Variants in CA5A observed in about 807,000 individuals in gnomAD.
The protein encoded by CA5A is carbonic anhydrase 5A, mitochondrial.
Under a neutral mutation model 37.1 loss-of-function variants are expected in CA5A, and 28 were observed. The observed-to-expected ratio is 0.75, with a 90% CI of 0.56 to 1.03. CA5A has a LOEUF of 1.03. Ranked by LOEUF, CA5A falls within the 50% of genes least tolerant of loss-of-function variation. The pLI is 0.00. For synonymous variants in CA5A, 171 were observed against 158.4 expected (o/e 1.08, Z -0.60); for missense variants, 444 against 399.9 (o/e 1.11, Z -0.94).
chr16:87,892,194 G>T (rs547917156), intron 5 of CA5A: 9 of 410,108 alleles, frequency 2.2e-5, no homozygotes, highest in South Asian at 2.2e-4. Context: ...ACCAGCTTAC[G>T]TTGGTGCTCA....
chr16:87,930,617 G>A (rs1198690549), intron 1 of CA5A, among the ~76,000 whole-genome samples: 1 of 152,158 alleles, frequency 6.6e-6, no homozygotes, highest in Non-Finnish European at 1.5e-5. Flanking sequence ...CAGGCTGGGT[G>A]GGGAGGAGAG....
chr16:87,901,540 T>C (rs1410894861), intron 5 of CA5A, among the ~76,000 whole-genome samples: 1 of 152,150 alleles, frequency 6.6e-6, no homozygotes. Context: ...AATGAATCGC[T>C]GCACTAAACA....
chr16:87,904,352 A>C (rs1453187506), intron 3 of CA5A, among the ~76,000 whole-genome samples: 1 of 151,156 alleles, frequency 6.6e-6, no homozygotes, highest in Non-Finnish European at 1.5e-5. Flanking sequence ...AAAAAAAAAA[A>C]CCAAAAACCA....
chr16:87,918,263 C>A (rs772741714), intron 2 of CA5A, among the ~76,000 whole-genome samples: 2 of 152,208 alleles, frequency 1.3e-5, no homozygotes, highest in African/African-American at 2.4e-5. Flanking sequence ...CCTCCCGCAC[C>A]TTTAGGGAAT....
rs2055853343 is a variant in CA5A at position 87,899,896 on chromosome 16, G to C, written c.618+2016C>G. Among the ~76,000 whole-genome samples, 5 of 129,530 alleles carry C rather than the reference G, an allele frequency of 3.9e-5. No individual in the cohort carries two copies. The South Asian group carries it at 1.2e-3, about 32-fold the overall frequency. 85.0% of individuals were successfully genotyped at this position (129,530 alleles called of 152,430 possible). ...GGTCGCACCATTGCACTCCAGCCTGGGCAACAGAGCGAGATTTTATCTCAA... is the reference window on the plus strand; with the variant it reads ...GGTCGCACCATTGCACTCCAGCCTGCGCAACAGAGCGAGATTTTATCTCAA... On this transcript the variant is annotated intron_variant, in intron 5 of 6. Transcript: ENST00000649794.
At chr16:87,899,449 C>T (rs2055846450) in intron 5 of CA5A, among the ~76,000 whole-genome samples, 1 of 150,764 alleles carries the variant, frequency 6.6e-6, no homozygotes, top group African/African-American at 2.4e-5. Flanking sequence ...ATTACAGGCA[C>T]CCGCCACCAC....
Position 87,924,294 on chromosome 16 carries a change from C to T in CA5A, c.340+2454G>A, listed in dbSNP as rs4550456. 3,029 of 985,428 alleles carry T rather than the reference C, an allele frequency of 3.1e-3. 77 individuals are homozygous for T. In the African/African-American group the frequency reaches 0.047, roughly 15 times the overall value. 61.0% of individuals were successfully genotyped at this position (985,428 alleles called of 1,614,324 possible). On this transcript the variant is annotated intron_variant, in intron 2 of 6. Coordinates refer to ENST00000649794, the MANE Select transcript of CA5A (RefSeq NM_001739.2). ...TTGCAGTGGAGCCTGATGAAGCAAC[C>T]GTGAATGGCACTGAGCATACAGGCA...
intron 5 of CA5A, among the ~76,000 whole-genome samples, chr16:87,897,128 C>T (rs544509302): frequency 6.6e-6 from 1 of 152,242 alleles, no homozygotes; most frequent in Non-Finnish European, 1.5e-5. Flanking sequence ...TAGGTGCTGC[C>T]GCTGCTGCTG....
intron 5 of CA5A, among the ~76,000 whole-genome samples, chr16:87,895,119 G>GCACGCCTGTGGTC (rs1467063480): frequency 1.3e-5 from 2 of 152,164 alleles, no homozygotes; most frequent in Non-Finnish European, 2.9e-5. Context: ...GTGCAGTGGT[G>GCACGCCTGTGGTC]CACGCCTGTG....
chr16:87,930,069 T>C lies in CA5A; in HGVS notation c.143-3124A>G, dbSNP rs115611478. ...AGGATGGTTGTGTGCCTGTTTATTT[T>C]AATTTTCTCTCTTGGTTTTTCTCTC... On this transcript the variant is annotated intron_variant, in intron 1 of 6. Coordinates refer to ENST00000649794, the MANE Select transcript of CA5A (RefSeq NM_001739.2). Among the ~76,000 whole-genome samples, 899 of 152,224 alleles carry C rather than the reference T, an allele frequency of 5.9e-3. 8 individuals carry two copies. The highest frequency in any genetic ancestry group is 0.021 in the African/African-American group (861 of 41,534).
At chr16:87,890,474 C>T (rs552991989) in intron 6 of CA5A, among the ~76,000 whole-genome samples, 2 of 152,320 alleles carry the variant, frequency 1.3e-5, no homozygotes, top group African/African-American at 2.4e-5. Context: ...TGCTAAGTCG[C>T]GCTGCGACTG....
intron 2 of CA5A, among the ~76,000 whole-genome samples, chr16:87,908,640 C>T (rs187035361): frequency 6.6e-6 from 1 of 152,306 alleles, no homozygotes; most frequent in African/African-American, 2.4e-5. Flanking sequence ...GGAACGGGAG[C>T]TGCTGGGACC....
intron 3 of CA5A, among the ~76,000 whole-genome samples, chr16:87,903,290 G>C (rs559243760): frequency 2.6e-4 from 40 of 152,206 alleles, no homozygotes; most frequent in African/African-American, 9.2e-4. Flanking sequence ...AACTAGCCAG[G>C]CGCAGTGGCA....
At chr16:87,894,573 T>TAAA (rs55721035) in intron 5 of CA5A, among the ~76,000 whole-genome samples, 1 of 144,678 alleles carries the variant, frequency 6.9e-6, no homozygotes, top group Admixed American at 6.9e-5. Context: ...TCCAGTTAAT[T>TAAA]AAAAAAAAAA....
At chr16:87,888,959 G>C (rs1447381894) in intron 6 of CA5A, among the ~76,000 whole-genome samples, 3 of 141,584 alleles carry the variant, frequency 2.1e-5, no homozygotes, top group Non-Finnish European at 4.6e-5. Flanking sequence ...CGCTCCTGTT[G>C]CCCAGACTGG....
At chr16:87,895,070 C>T (rs1442461709) in intron 5 of CA5A, among the ~76,000 whole-genome samples, 3 of 151,862 alleles carry the variant, frequency 2.0e-5, no homozygotes, top group South Asian at 2.1e-4. Flanking sequence ...AGCAACATAA[C>T]GAGACCCTGA....
chr16:87,915,149 G>A (rs531986775), intron 2 of CA5A, among the ~76,000 whole-genome samples: 2 of 152,296 alleles, frequency 1.3e-5, no homozygotes, highest in East Asian at 1.9e-4. Flanking sequence ...GACCACACTC[G>A]CCTTTGATCG....
intron 2 of CA5A, among the ~76,000 whole-genome samples, chr16:87,917,244 G>A (rs1244498104): frequency 6.6e-6 from 1 of 152,178 alleles, no homozygotes; most frequent in East Asian, 1.9e-4. Flanking sequence ...TGATTGGACA[G>A]GGATGGGCAC....
chr16:87,891,725 A>G, intron 6 of CA5A, 74 bp downstream of exon 6: 1 of 1,252,308 alleles, frequency 8.0e-7, no homozygotes, highest in South Asian at 1.8e-5. Context: ...CTCATGCAGC[A>G]TCTTAGTGAC....
Sources: gnomAD v4.1 joint callset for allele counts (sites outside exome capture counted in the v4.1 genomes callset) on GRCh38, gnomAD v4.1.1 for gene constraint, MANE v1.5 for transcripts, NCBI Gene and HGNC (gene_info 2026-07-23, HGNC 2026-07-21) for gene names.